Variants in FAT4 observed in about 807,000 individuals in gnomAD.
FAT4 encodes the protein FAT atypical cadherin 4.
A neutral mutation model predicts 303.9 loss-of-function variants in FAT4; 84 were observed. The observed-to-expected ratio is 0.28, with a 90% CI of 0.23 to 0.33. The LOEUF (loss-of-function observed/expected upper bound fraction) is 0.33, where lower values mean the gene tolerates loss of function less well. Ranked by LOEUF, FAT4 falls within the 10% of genes least tolerant of loss-of-function variation. FAT4 has a pLI of 1.00. For synonymous variants in FAT4, 2,307 were observed against 2,298.8 expected, an observed-to-expected ratio of 1.00 and a Z score of -0.10; for missense variants, 6,005 against 6,146.8, an observed-to-expected ratio of 0.98 and a Z score of 0.77.
At chr4:125,366,243 C>T (rs1732882346) in intron 2 of FAT4, among the ~76,000 whole-genome samples, 2 of 152,084 alleles carry the variant, frequency 1.3e-5, no homozygotes, top group Non-Finnish European at 2.9e-5. Context: ...TGATGCTCTC[C>T]CTCCTCCCAT....
At chr4:125,413,413 A>G (rs1367821315) in intron 5 of FAT4, among the ~76,000 whole-genome samples, 3 of 151,874 alleles carry the variant, frequency 2.0e-5, no homozygotes, top group Non-Finnish European at 2.9e-5. Flanking sequence ...TAAATAAACT[A>G]TAAAGATTAA....
chr4:125,368,730 T>C (rs2663253), intron 2 of FAT4, among the ~76,000 whole-genome samples: 1,483 of 143,046 alleles, frequency 0.01, 21 homozygotes, highest in African/African-American at 0.036. Context: ...TATCCAAAAC[T>C]TTTTTTTTTT....
chr4:125,426,694 G>T (rs1725099960), intron 7 of FAT4, among the ~76,000 whole-genome samples: 1 of 151,936 alleles, frequency 6.6e-6, no homozygotes, highest in Non-Finnish European at 1.5e-5. Flanking sequence ...TTGAATAAGA[G>T]CTAAAGTTGC....
In FAT4 at chr4:125,317,148, A is replaced by AC; in HGVS notation, c.743dup (p.Val249GlyfsTer13). 6.2e-7 allele frequency: 1 copy of AC among 1,610,166 alleles called. No homozygotes were observed. The highest frequency in any genetic ancestry group is 8.5e-7 in the Non-Finnish European group (1 of 1,177,530). On this transcript the variant is annotated frameshift_variant, in exon 2 of 18. Coordinates refer to ENST00000394329, the MANE Select transcript of FAT4 (RefSeq NM_001291303.3). LOFTEE classifies it high-confidence loss of function. This position sits in a 1 kb window ranked among gnomAD's most constrained non-coding sequence, Gnocchi z 7.0. ...GTGACTGTGCAAGACATTAATGACA[A>AC]CCCCCCGGTTTTTGGCAGTTCTCAC...
intron 7 of FAT4, among the ~76,000 whole-genome samples, chr4:125,424,752 G>A (rs925417510): frequency 2.0e-5 from 3 of 152,110 alleles, no homozygotes; most frequent in African/African-American, 7.2e-5. Flanking sequence ...AAACAATATA[G>A]TATATAGATT....
Position 125,450,704 on chromosome 4 carries a change from G to C in FAT4, c.9694G>C (p.Ala3232Pro). The C allele has an allele frequency of 6.2e-7, 1 of 1,614,078 alleles. No individual in the cohort carries two copies. The highest frequency in any genetic ancestry group is 8.5e-7 in the Non-Finnish European group (1 of 1,180,004). ...TGACTCTGGAACAAATGCTGTGATT[G>C]CGTATACTGTACAGTCATCTGACAG... The part of the protein sequence containing the change: ...DADSGTNAVI[A>P]YTVQSSDSDL... The change falls in exon 10 of 18, where the codon GCG becomes CCG. Residue 3232 changes from alanine (A) to proline (P), a missense_variant. Coordinates refer to ENST00000394329, the MANE Select transcript of FAT4 (RefSeq NM_001291303.3).
chr4:125,387,909 G>A (rs1578586023), intron 2 of FAT4, among the ~76,000 whole-genome samples: 1 of 152,062 alleles, frequency 6.6e-6, no homozygotes, highest in East Asian at 1.9e-4. Flanking sequence ...GCATAATAAA[G>A]AGCCACAAAA....
Position 125,408,721 on chromosome 4 carries a change from C to G in FAT4, c.5847C>G (p.Tyr1949Ter). 6.2e-7 allele frequency: 1 copy of G among 1,611,050 alleles called. No homozygotes were observed. Among genetic ancestry groups the G allele is most frequent in the Non-Finnish European group, 8.5e-7 (1 of 1,177,900 alleles). ...CACCTATTTTCAGCTTGAATTCATA[C>G]AGCACATCTTTAATGGAGAATCTAC... ...DNPPIFSLNS[Y>*]STSLMENLPV... Residue 1949 changes from tyrosine (Y) to a stop codon, truncating the protein, a stop_gained, in exon 5 of 18, where the codon TAC becomes TAG. Transcript: ENST00000394329. LOFTEE classifies it high-confidence loss of function.
In FAT4 at chr4:125,491,649, T is replaced by G; in HGVS notation, c.14833T>G (p.Tyr4945Asp). 6.2e-7 allele frequency: 1 copy of G among 1,614,130 alleles called. No homozygotes were observed. Among genetic ancestry groups the G allele is most frequent in the Non-Finnish European group, 8.5e-7 (1 of 1,180,022 alleles). Residue 4945 changes from tyrosine to aspartate, a missense_variant, in exon 18 of 18, where the codon TAT (tyrosine) becomes GAT (aspartate). By Grantham distance (160) the Tyr-to-Asp change is radical. Transcript: ENST00000394329. ...GAACTGGGGCCCTGGCTTTGGCCAT[T>G]ATGTAGATGTTTTTAAAGATTTGGC... is the stretch of plus-strand genomic sequence containing the variant. ...LLNWGPGFGH[Y>D]VDVFKDLASL...
In FAT4 at chr4:125,317,862, T is replaced by A; in HGVS notation, c.1451T>A (p.Leu484Gln). Residue 484 changes from leucine to glutamine, a missense_variant, in exon 2 of 18, where the codon CTG becomes CAG. Physicochemically the swap from Leu to Gln is moderately radical, Grantham distance 113. Transcript: ENST00000394329. The surrounding 1 kb of genome is among the most constrained non-coding windows in gnomAD (Gnocchi z 7.0). Reference sequence around the variant, plus strand: ...TCACAGCAAGTGTACAGAGTGAACCTGAGCGAGGAGGCGCCTCCGGGAAGC... The same window carrying A: ...TCACAGCAAGTGTACAGAGTGAACCAGAGCGAGGAGGCGCCTCCGGGAAGC... ...VFSQQVYRVNLSEEAPPGSYV... is the reference protein window; with the variant it reads ...VFSQQVYRVNQSEEAPPGSYV... 1.2e-6 allele frequency: 2 copies of A among 1,614,154 alleles called. No individual in the cohort carries two copies. The highest frequency in any genetic ancestry group is 1.7e-6 in the Non-Finnish European group (2 of 1,180,014).
chr4:125,403,420 CTCTT>C (rs1203636097), intron 3 of FAT4, among the ~76,000 whole-genome samples: 2 of 152,118 alleles, frequency 1.3e-5, no homozygotes, highest in East Asian at 3.9e-4. Context: ...AGAAATATCT[CTCTT>C]CCTTCTTCTT....
At chr4:125,399,446 C>T (rs1022481593) in intron 3 of FAT4, among the ~76,000 whole-genome samples, 1 of 151,874 alleles carries the variant, frequency 6.6e-6, no homozygotes. Context: ...AGCTTATTTT[C>T]TCTTTACTGG....
intron 2 of FAT4, among the ~76,000 whole-genome samples, chr4:125,357,880 A>G (rs1234545662): frequency 6.6e-6 from 1 of 152,146 alleles, no homozygotes; most frequent in Non-Finnish European, 1.5e-5. Context: ...TTAATGAAGT[A>G]ACTGGGCCAT....
At chr4:125,424,911 G>A (rs1028965278) in intron 7 of FAT4, among the ~76,000 whole-genome samples, 1 of 152,144 alleles carries the variant, frequency 6.6e-6, no homozygotes, top group Non-Finnish European at 1.5e-5. Context: ...AATCAGGCAT[G>A]AGTCCTAGAA....
At chr4:125,477,384 G>A in intron 14 of FAT4, 50 bp downstream of exon 14, 1 of 1,434,976 alleles carries the variant, frequency 7.0e-7, no homozygotes, top group Non-Finnish European at 9.4e-7. Flanking sequence ...ATGCAAAAAA[G>A]TATGCTTCAG....
intron 2 of FAT4, among the ~76,000 whole-genome samples, chr4:125,330,116 C>T (rs751474202): frequency 6.6e-6 from 1 of 152,204 alleles, no homozygotes; most frequent in Non-Finnish European, 1.5e-5. Flanking sequence ...TCGGAACTTG[C>T]TAGGCACACA....
Position 125,448,565 on chromosome 4 carries a change from C to A in FAT4, c.7555C>A (p.Pro2519Thr), listed in dbSNP as rs757528137. ...AAATTCTGAAAAATTTCACATTGACCCACTGAGGGGAGCCATTATGGCCGC... is the reference window on the plus strand; with the variant it reads ...AAATTCTGAAAAATTTCACATTGACACACTGAGGGGAGCCATTATGGCCGC... ...GRNSEKFHID[P>T]LRGAIMAAGP... Residue 2519 changes from proline to threonine, a missense_variant, in exon 10 of 18, where the codon CCA becomes ACA. By Grantham distance (38) the Pro-to-Thr change is conservative. Coordinates refer to ENST00000394329, the MANE Select transcript of FAT4 (RefSeq NM_001291303.3). 2 of 1,613,782 alleles carry A rather than the reference C, an allele frequency of 1.2e-6. No individual in the cohort carries two copies. The highest frequency in any genetic ancestry group is 1.7e-6 in the Non-Finnish European group (2 of 1,179,856).
Position 125,321,498 on chromosome 4 carries a change from T to C in FAT4, c.5087T>C (p.Leu1696Pro). 6.2e-7 allele frequency: 1 copy of C among 1,614,134 alleles called. No homozygotes were observed. The highest frequency in any genetic ancestry group is 8.5e-7 in the Non-Finnish European group (1 of 1,179,978). ...GGTATAATTCAGACCGCAGCCATTC[T>C]GGACCGGGAGCAAGGAGCATGTCTT... is the stretch of plus-strand genomic sequence containing the variant. Reference protein sequence around the residue: ...HTGIIQTAAILDREQGACLYL... With the variant: ...HTGIIQTAAIPDREQGACLYL... The change falls in exon 2 of 18, where the codon CTG (leucine) becomes CCG (proline). Residue 1696 changes from leucine to proline, a missense_variant. Transcript: ENST00000394329.
chr4:125,399,909 CTT>C lies in FAT4; in HGVS notation c.5307+995_5307+996del, dbSNP rs1184950028. Among the ~76,000 whole-genome samples, 8 of 151,968 alleles carry C rather than the reference CTT, an allele frequency of 5.3e-5. 1 individual carries two copies. Among genetic ancestry groups the C allele is most frequent in the African/African-American group, 4.8e-5 (2 of 41,536 alleles). Reference sequence around the variant, plus strand: ...AGCTAGCTTTAAAAGAGTTATCTGACTTAATATTTCTATTGTTGATAGATATG... The same window carrying C: ...AGCTAGCTTTAAAAGAGTTATCTGACAATATTTCTATTGTTGATAGATATG... On this transcript the variant is annotated intron_variant, in intron 3 of 17. Transcript: ENST00000394329.
Sources: allele counts gnomAD v4.1 joint callset (sites outside exome capture counted in the v4.1 genomes callset), GRCh38; gene constraint gnomAD v4.1.1; non-coding constraint Gnocchi (gnomAD v3.1); transcripts MANE v1.5; gene names NCBI Gene and HGNC (gene_info 2026-07-23, HGNC 2026-07-21).